Variants in DLC1 observed in about 807,000 individuals in gnomAD.
The protein encoded by DLC1 is rho GTPase-activating protein 7.
A neutral mutation model predicts 140.3 loss-of-function variants in DLC1; 54 were observed. The observed-to-expected ratio is 0.38, with a 90% CI of 0.31 to 0.48. DLC1 has a LOEUF of 0.48. Ranked by LOEUF, DLC1 falls within the 20% of genes least tolerant of loss-of-function variation. The probability of loss-of-function intolerance (pLI) is 0.96; values close to 1 mark genes in which losing one functional copy is unlikely to be tolerated. For synonymous variants in DLC1, 986 were observed against 728.1 expected, an observed-to-expected ratio of 1.35 and a Z score of -5.70; for missense variants, 2,536 against 1,907.0, an observed-to-expected ratio of 1.33 and a Z score of -6.14.
chr8:13,268,178 T>C (rs538343115), intron 5 of DLC1, among the ~76,000 whole-genome samples: 18 of 152,364 alleles, frequency 1.2e-4, no homozygotes, highest in Non-Finnish European at 2.2e-4. Flanking sequence ...TTAGTACTTT[T>C]AAACTTTGAA....
At chr8:13,545,079 G>A (rs1803609656) in intron 1 of DLC1, among the ~76,000 whole-genome samples, 1 of 151,730 alleles carries the variant, frequency 6.6e-6, no homozygotes, top group African/African-American at 2.4e-5. Context: ...GCACATAGTA[G>A]GCATTTAATA....
intron 5 of DLC1, among the ~76,000 whole-genome samples, chr8:13,198,120 A>G (rs767589329): frequency 4.6e-4 from 70 of 152,302 alleles, no homozygotes; most frequent in Non-Finnish European, 7.8e-4. Context: ...AAAAAAATTA[A>G]GTCAATTTTA....
At chr8:13,317,450 C>T (rs1832903568) in intron 4 of DLC1, among the ~76,000 whole-genome samples, 1 of 152,118 alleles carries the variant, frequency 6.6e-6, no homozygotes, top group Non-Finnish European at 1.5e-5. Context: ...GCTAACTAAA[C>T]ATTTTACAAA....
At chr8:13,090,528 C>A (rs909283434) in intron 14 of DLC1, 58 bp from the exon 15 acceptor site, 5 of 1,582,620 alleles carry the variant, frequency 3.2e-6, no homozygotes, top group South Asian at 1.1e-5. Context: ...AATCTCAATG[C>A]CCATCAGTGG....
chr8:13,322,582 A>ATCACAGTTTTCTTAGT (rs1421018800), intron 4 of DLC1, among the ~76,000 whole-genome samples: 3 of 152,206 alleles, frequency 2.0e-5, no homozygotes, highest in African/African-American at 7.2e-5. Context: ...AACACTTTAG[A>ATCACAGTTTTCTTAGT]TCACAGTTTT....
intron 5 of DLC1, among the ~76,000 whole-genome samples, chr8:13,140,831 T>C (rs1047218367): frequency 2.0e-5 from 3 of 152,222 alleles, no homozygotes; most frequent in Non-Finnish European, 4.4e-5. Context: ...GGTCATTTAC[T>C]AGATAGGGTT....
At chr8:13,446,600 A>G (rs1798786303) in intron 2 of DLC1, among the ~76,000 whole-genome samples, 1 of 152,120 alleles carries the variant, frequency 6.6e-6, no homozygotes, top group East Asian at 1.9e-4. Flanking sequence ...ACAAGGAAGG[A>G]ACGGAGGGAA....
At chr8:13,106,000 G>C (rs1250669561) in intron 7 of DLC1, among the ~76,000 whole-genome samples, 2 of 152,168 alleles carry the variant, frequency 1.3e-5, no homozygotes, top group Admixed American at 6.5e-5. Flanking sequence ...AGAAGCCTGG[G>C]CCTTTCCCAT....
At chr8:13,571,469 G>T (rs927201328) in intron 1 of DLC1, among the ~76,000 whole-genome samples, 1 of 152,130 alleles carries the variant, frequency 6.6e-6, no homozygotes, top group Non-Finnish European at 1.5e-5. Flanking sequence ...TGCAGTCTTT[G>T]TCATTTTGTG....
intron 2 of DLC1, among the ~76,000 whole-genome samples, chr8:13,434,263 T>C (rs1037744701): frequency 2.0e-5 from 3 of 152,194 alleles, no homozygotes; most frequent in African/African-American, 7.2e-5. Context: ...TAGCTAACAA[T>C]AGAGGTGAGA....
chr8:13,259,010 G>A lies in DLC1; in HGVS notation c.1348+46259C>T, dbSNP rs377073043. 3.9e-3 allele frequency among the ~76,000 whole-genome samples: 589 copies of A among 151,738 alleles called. 5 individuals carry two copies. Among genetic ancestry groups the A allele is most frequent in the African/African-American group, 0.013 (544 of 41,406 alleles). ...AAATTAGCCGTGCGTGGTGGCGGGCGCCTGTACTCCCAGCTACTCTGGAGG... is the reference window on the plus strand; with the variant it reads ...AAATTAGCCGTGCGTGGTGGCGGGCACCTGTACTCCCAGCTACTCTGGAGG... On this transcript the variant is annotated intron_variant, in intron 5 of 17. Transcript: ENST00000276297.
chr8:13,415,696 G>C (rs933614289), intron 2 of DLC1, among the ~76,000 whole-genome samples: 6 of 152,092 alleles, frequency 3.9e-5, no homozygotes, highest in African/African-American at 1.2e-4. Flanking sequence ...ACTGCAACCG[G>C]CTGATTTAAT....
intron 1 of DLC1, among the ~76,000 whole-genome samples, chr8:13,596,117 A>T (rs1224525910): frequency 6.6e-6 from 1 of 152,040 alleles, no homozygotes; most frequent in Non-Finnish European, 1.5e-5. Context: ...GATAAGAGTG[A>T]TGTAGAGAGA....
chr8:13,443,730 G>A (rs1391217046), intron 2 of DLC1, among the ~76,000 whole-genome samples: 1 of 151,648 alleles, frequency 6.6e-6, no homozygotes, highest in East Asian at 1.9e-4. Context: ...GCTACACGCA[G>A]GCAAATAGAT....
chr8:13,237,039 C>T (rs1829312369), intron 5 of DLC1, among the ~76,000 whole-genome samples: 1 of 151,866 alleles, frequency 6.6e-6, no homozygotes, highest in Admixed American at 6.6e-5. Flanking sequence ...GAGGTCCCTT[C>T]CAACTTTAAC....
rs1346820686 is a variant in DLC1, at chr8:13,276,193, T to C, written c.1348+29076A>G. The stretch of plus-strand genomic sequence containing the variant: ...TTCATGAACCAAGCTTATCACTGCG[T>C]CTTCGCAGTAAATTGTTTTCTTTTT... On this transcript the variant is annotated intron_variant, in intron 5 of 17. Transcript: ENST00000276297. 8 of 1,514,676 alleles carry C rather than the reference T, an allele frequency of 5.3e-6. No homozygotes were observed. In the African/African-American group the frequency reaches 6.9e-5, roughly 13 times the overall value. The allele number at this position is 1,514,676 out of a possible 1,614,324, so 93.8% of individuals were successfully genotyped here.
chr8:13,554,686 C>A (rs75911642), intron 1 of DLC1, among the ~76,000 whole-genome samples: 9,839 of 152,228 alleles, frequency 0.065, 363 homozygotes, highest in Non-Finnish European at 0.081. Flanking sequence ...TCCTTTCTTA[C>A]CACCTCTACT....
intron 2 of DLC1, among the ~76,000 whole-genome samples, chr8:13,494,207 T>G (rs369252050): frequency 6.6e-6 from 1 of 152,252 alleles, no homozygotes; most frequent in African/African-American, 2.4e-5. Context: ...TCATGATATA[T>G]TGGAATATAT....
chr8:13,208,376 G>C (rs1231742854), intron 5 of DLC1, among the ~76,000 whole-genome samples: 1 of 152,090 alleles, frequency 6.6e-6, no homozygotes, highest in Non-Finnish European at 1.5e-5. Flanking sequence ...TTGTTATCAG[G>C]CTCCTTGCCT....
Sources: gnomAD v4.1 joint callset for allele counts (sites outside exome capture counted in the v4.1 genomes callset) on GRCh38, gnomAD v4.1.1 for gene constraint, MANE v1.5 for transcripts, NCBI Gene and HGNC (gene_info 2026-07-23, HGNC 2026-07-21) for gene names.